FBP2: variants seen among roughly 807,000 people sequenced by gnomAD.
The protein encoded by FBP2 is fructose-bisphosphatase 2.
FBP2 carries 27 observed loss-of-function variants against 31.6 expected under a neutral mutation model. The ratio of observed to expected loss-of-function variants is 0.85; its 90% CI spans 0.63 to 1.18. The LOEUF is 1.18. FBP2 is among the 50% of genes most tolerant of loss of function. The pLI, the probability that FBP2 is intolerant of heterozygous loss-of-function variation, is 0.00. For missense variants in FBP2, 421 were observed against 436.1 expected, an observed-to-expected ratio of 0.97 and a Z score of 0.31; for synonymous variants, 168 against 179.8, an observed-to-expected ratio of 0.93 and a Z score of 0.53.
intron 1 of FBP2, among the ~76,000 whole-genome samples, chr9:94,588,946 T>A (rs1827461194): frequency 6.6e-6 from 1 of 152,158 alleles, no homozygotes; most frequent in African/African-American, 2.4e-5. Flanking sequence ...ACACTCTTCC[T>A]CAAGAGCCAT....
At chr9:94,573,075 C>G (rs1246281607) in intron 3 of FBP2, 1 of 152,114 alleles carries the variant, frequency 6.6e-6, no homozygotes, top group Non-Finnish European at 1.5e-5. Context: ...TCTTCCTTGC[C>G]TTATTGTGCT....
chr9:94,587,216 A>C, intron 2 of FBP2, 91 bp downstream of exon 2: 1 of 1,088,820 alleles, frequency 9.2e-7, no homozygotes, highest in African/African-American at 1.6e-5. Context: ...AATAGAGGAG[A>C]ATCCCGGGAA....
chr9:94,562,676 G>A (rs1827126471), intron 6 of FBP2, among the ~76,000 whole-genome samples: 1 of 152,168 alleles, frequency 6.6e-6, no homozygotes, highest in African/African-American at 2.4e-5. Flanking sequence ...TACGATTTCT[G>A]TGATTGGCTA....
chr9:94,571,590 C>T lies in FBP2; in HGVS notation c.439G>A (p.Glu147Lys), dbSNP rs139243565. The change falls in exon 4 of 7, where the codon GAG becomes AAG. Residue 147 changes from glutamate to lysine, a missense_variant. By Grantham distance (56) the Glu-to-Lys change is moderately conservative. Coordinates refer to ENST00000375337, the MANE Select transcript of FBP2 (RefSeq NM_003837.4). ...FAIYRKTSED[E>K]PSEKDALQCG... is the part of the protein sequence containing the mutation. Reference sequence around the variant, plus strand: ...TGCAGGGCATCCTTTTCAGAAGGCTCATCCTCTGAGGTCTGTGGAAGAGAG... The same window carrying T: ...TGCAGGGCATCCTTTTCAGAAGGCTTATCCTCTGAGGTCTGTGGAAGAGAG... The T allele has an allele frequency of 1.9e-6, 3 of 1,613,092 alleles. No homozygotes were observed. The highest frequency in any genetic ancestry group is 1.3e-5 in the African/African-American group (1 of 75,044).
chr9:94,561,018 A>G (rs111407608), intron 6 of FBP2, among the ~76,000 whole-genome samples: 10,917 of 152,122 alleles, frequency 0.072, 475 homozygotes, highest in South Asian at 0.16. Flanking sequence ...TCTGTCCCTC[A>G]TTACCCACAG....
chr9:94,573,594 TTTC>T (rs1827290259), intron 3 of FBP2, among the ~76,000 whole-genome samples: 1 of 152,206 alleles, frequency 6.6e-6, no homozygotes, highest in African/African-American at 2.4e-5. Flanking sequence ...TTATGTGATT[TTTC>T]TTCTTTAGCC....
At chr9:94,571,390 C>T in intron 4 of FBP2, 72 bp downstream of exon 4, 1 of 1,420,450 alleles carries the variant, frequency 7.0e-7, no homozygotes, top group Non-Finnish European at 9.5e-7. Context: ...GACATTATCG[C>T]AGAGAACTGG....
intron 3 of FBP2, among the ~76,000 whole-genome samples, chr9:94,572,269 C>G (rs946774426): frequency 6.6e-6 from 1 of 152,120 alleles, no homozygotes; most frequent in African/African-American, 2.4e-5. Flanking sequence ...CCCCCTTATC[C>G]AAAATGGGGA....
chr9:94,584,250 G>C (rs1367301434), intron 3 of FBP2, among the ~76,000 whole-genome samples: 2 of 152,158 alleles, frequency 1.3e-5, no homozygotes, highest in Non-Finnish European at 2.9e-5. Context: ...GGCAAGAGGG[G>C]GAGAGGATGT....
chr9:94,562,309 C>CAAAAAAAAAA (rs397893359), intron 6 of FBP2, among the ~76,000 whole-genome samples: 1 of 72,106 alleles, frequency 1.4e-5, no homozygotes, highest in East Asian at 4.4e-4. Context: ...GACTCCATCT[C>CAAAAAAAAAA]AAAAAAAAAA....
chr9:94,581,714 A>C (rs1342251629), intron 3 of FBP2, among the ~76,000 whole-genome samples: 1 of 152,216 alleles, frequency 6.6e-6, no homozygotes, highest in Non-Finnish European at 1.5e-5. Flanking sequence ...TAAGCCTCTC[A>C]ACAGACTGAA....
intron 6 of FBP2, among the ~76,000 whole-genome samples, chr9:94,563,094 G>A (rs1180050554): frequency 6.6e-6 from 1 of 152,218 alleles, no homozygotes; most frequent in Non-Finnish European, 1.5e-5. Flanking sequence ...TGAACGGTGG[G>A]TGTGAGGCTG....
At chr9:94,582,386 GTA>G (rs1827381124) in intron 3 of FBP2, among the ~76,000 whole-genome samples, 1 of 128,912 alleles carries the variant, frequency 7.8e-6, no homozygotes, top group Admixed American at 8.3e-5. Context: ...GTGTGTGTGT[GTA>G]TAGTTTGTTT....
intron 1 of FBP2, among the ~76,000 whole-genome samples, chr9:94,590,369 G>C (rs754220576): frequency 6.6e-6 from 1 of 152,210 alleles, no homozygotes; most frequent in Non-Finnish European, 1.5e-5. Flanking sequence ...GGGAAAAGGA[G>C]ACTCTCATAA....
At position 94,562,309 on chromosome 9, in the gene FBP2, C is replaced by CAA. The variant is rs397893359; in HGVS notation, c.825+1031_825+1032dup. On this transcript the variant is annotated intron_variant, in intron 6 of 6. Transcript: ENST00000375337. Reference sequence around the variant, plus strand: ...TGGGCGACAGAGCAAGACTCCATCTCAAAAAAAAAAAAAAAAAAAAAAAGA... The same window carrying CAA: ...TGGGCGACAGAGCAAGACTCCATCTCAAAAAAAAAAAAAAAAAAAAAAAAAGA... Among the ~76,000 whole-genome samples the CAA allele has an allele frequency of 8.8e-3, 635 of 71,968 alleles. 10 individuals carry two copies. The highest frequency in any genetic ancestry group is 0.031 in the African/African-American group (552 of 17,524). The allele number at this position is 71,968 out of a possible 152,430, so 47.2% of individuals were successfully genotyped here.
Position 94,587,447 on chromosome 9 carries a change from T to C in FBP2, c.193A>G (p.Asn65Asp). ...TTCTTCACCTCATCTCCCGTCACGT[T>C]AACGCTTCCTGCGATTCCATACCTG... ...AHLYGIAGSV[N>D]VTGDEVKKLD... The change falls in exon 2 of 7, where the codon AAC becomes GAC. Residue 65 changes from asparagine to aspartate, a missense_variant. Transcript: ENST00000375337. 1.2e-6 allele frequency: 2 copies of C among 1,614,062 alleles called. No individual in the cohort carries two copies. The highest frequency in any genetic ancestry group is 1.7e-6 in the Non-Finnish European group (2 of 1,179,994).
intron 2 of FBP2, among the ~76,000 whole-genome samples, chr9:94,585,005 C>A (rs1217675818): frequency 3.3e-5 from 5 of 152,140 alleles, no homozygotes; most frequent in African/African-American, 1.2e-4. Flanking sequence ...TTTATAGCCC[C>A]CTGTGTGCAA....
intron 2 of FBP2, among the ~76,000 whole-genome samples, chr9:94,586,042 A>C (rs1827423762): frequency 6.6e-6 from 1 of 152,180 alleles, no homozygotes; most frequent in Non-Finnish European, 1.5e-5. Context: ...CCTAGAAAGA[A>C]GAATTTTCGA....
At chr9:94,576,054 C>G (rs1827311662) in intron 3 of FBP2, among the ~76,000 whole-genome samples, 1 of 152,114 alleles carries the variant, frequency 6.6e-6, no homozygotes, top group South Asian at 2.1e-4. Flanking sequence ...AGGAGGTAAT[C>G]TTGAGACGGA....
Sources: allele counts gnomAD v4.1 joint callset (sites outside exome capture counted in the v4.1 genomes callset), GRCh38; gene constraint gnomAD v4.1.1; transcripts MANE v1.5; gene names NCBI Gene and HGNC (gene_info 2026-07-23, HGNC 2026-07-21).